Variants in BRINP2 observed in about 807,000 individuals in gnomAD.
BRINP2 encodes the protein BMP/retinoic acid-inducible neural-specific protein 2.
A neutral mutation model predicts 69.2 loss-of-function variants in BRINP2; 21 were observed. That is an observed-to-expected ratio of 0.30 (90% CI 0.22 to 0.44). BRINP2 has a LOEUF of 0.44. Ranked by LOEUF, BRINP2 falls within the 20% of genes least tolerant of loss-of-function variation. The pLI, the probability that BRINP2 is intolerant of heterozygous loss-of-function variation, is 1.00. For missense variants in BRINP2, 877 were observed against 986.0 expected (o/e 0.89, Z 1.48); for synonymous variants, 380 against 394.1 (o/e 0.96, Z 0.42).
intron 1 of BRINP2, among the ~76,000 whole-genome samples, chr1:177,229,329 A>T (rs1649792772): frequency 6.6e-6 from 1 of 152,238 alleles, no homozygotes; most frequent in African/African-American, 2.4e-5. Flanking sequence ...TCCACCAGAA[A>T]AATGGGTTGC....
At chr1:177,277,325 G>T (rs1049378360) in intron 6 of BRINP2, among the ~76,000 whole-genome samples, 2 of 151,770 alleles carry the variant, frequency 1.3e-5, no homozygotes, top group African/African-American at 4.8e-5. Context: ...TGGAAAAGAA[G>T]ACATCAAGAG....
chr1:177,209,686 TC>T (rs1332095276), intron 1 of BRINP2, among the ~76,000 whole-genome samples: 1 of 152,106 alleles, frequency 6.6e-6, no homozygotes, highest in Non-Finnish European at 1.5e-5. Flanking sequence ...GACCAGCTGT[TC>T]AAATTGGTGG....
chr1:177,201,131 T>C (rs2102303499), intron 1 of BRINP2, among the ~76,000 whole-genome samples: 1 of 152,104 alleles, frequency 6.6e-6, no homozygotes, highest in African/African-American at 2.4e-5. Context: ...AAATCACCAA[T>C]GAAGAACTTA....
chr1:177,281,488 C>T lies in BRINP2; in HGVS notation c.2312C>T (p.Pro771Leu), dbSNP rs745488797. Residue 771 changes from proline (P) to leucine (L), a missense_variant, in exon 8 of 8, where the codon CCA (proline) becomes CTA (leucine). Around this residue, in one of 3 missense-constraint regions of BRINP2, gnomAD observed 225 missense variants for 218.7 expected, o/e 1.03. Coordinates refer to ENST00000361539, the MANE Select transcript of BRINP2 (RefSeq NM_021165.4). ...CTGAGGGCTTTCAATTCTAAGCTGC[C>T]AAACCCTGTGGAATATGAGACCGGC... ...SSLRAFNSKL[P>L]NPVEYETGKL... is the part of the protein sequence containing the mutation. The T allele has an allele frequency of 6.2e-7, 1 of 1,611,786 alleles. No individual in the cohort carries two copies. Among genetic ancestry groups the T allele is most frequent in the South Asian group, 1.1e-5 (1 of 90,996 alleles).
chr1:177,226,558 G>A (rs1294639968), intron 1 of BRINP2, among the ~76,000 whole-genome samples: 1 of 151,958 alleles, frequency 6.6e-6, no homozygotes, highest in African/African-American at 2.4e-5. Flanking sequence ...CTATTGCTGT[G>A]CAACAAATTA....
chr1:177,196,766 G>T (rs1195258277), intron 1 of BRINP2, among the ~76,000 whole-genome samples: 1 of 152,164 alleles, frequency 6.6e-6, no homozygotes, highest in Admixed American at 6.5e-5. Flanking sequence ...GAGAATCTTT[G>T]CAGTAGGGAA....
intron 1 of BRINP2, among the ~76,000 whole-genome samples, chr1:177,209,221 AAAAAAG>A (rs922368936): frequency 6.6e-6 from 1 of 152,134 alleles, no homozygotes; most frequent in Non-Finnish European, 1.5e-5. Flanking sequence ...ATTTAAAAAA[AAAAAAG>A]AAAAAGAAAA....
Position 177,275,343 on chromosome 1 carries a change from G to T in BRINP2, c.776-855G>T, listed in dbSNP as rs552608548. ...GAAGTTAATTGGAAGAGAGCTGAGAGCCATTCATATCTATCCAGGCATGAC... is the reference window on the plus strand; with the variant it reads ...GAAGTTAATTGGAAGAGAGCTGAGATCCATTCATATCTATCCAGGCATGAC... On this transcript the variant is annotated intron_variant, in intron 5 of 7. Transcript: ENST00000361539. Among the ~76,000 whole-genome samples, 7 of 152,290 alleles carry T rather than the reference G, an allele frequency of 4.6e-5. No homozygotes were observed. In the East Asian group the frequency reaches 1.4e-3, roughly 29 times the overall value.
At chr1:177,250,610 C>T (rs993453022) in intron 2 of BRINP2, among the ~76,000 whole-genome samples, 9 of 152,248 alleles carry the variant, frequency 5.9e-5, no homozygotes, top group Admixed American at 5.9e-4. Context: ...CAGGCATGAA[C>T]CACGGCGCCC....
At chr1:177,251,623 G>A (rs927342393) in intron 2 of BRINP2, among the ~76,000 whole-genome samples, 1 of 152,128 alleles carries the variant, frequency 6.6e-6, no homozygotes, top group Non-Finnish European at 1.5e-5. Context: ...CAGGACACTA[G>A]CTTTTTGTTC....
At chr1:177,212,353 A>G (rs1486413160) in intron 1 of BRINP2, among the ~76,000 whole-genome samples, 1 of 152,056 alleles carries the variant, frequency 6.6e-6, no homozygotes, top group Non-Finnish European at 1.5e-5. Context: ...AGACCATCCC[A>G]GCTAACACAG....
intron 2 of BRINP2, among the ~76,000 whole-genome samples, chr1:177,251,845 T>C (rs950899732): frequency 6.6e-6 from 1 of 152,172 alleles, no homozygotes; most frequent in Non-Finnish European, 1.5e-5. Context: ...CGTGAGGGGC[T>C]TCGACCATTA....
rs2102281904 is a variant in BRINP2, at chr1:177,171,651, A to C, written c.-158A>C. On this transcript the variant is annotated 5_prime_UTR_variant, in exon 1 of 8. Coordinates refer to ENST00000361539, the MANE Select transcript of BRINP2 (RefSeq NM_021165.4). The stretch of plus-strand genomic sequence containing the variant: ...CTGGAGATGTTGCACAAAAACCTGG[A>C]ATCTTTTAGGAGTCTCCTCCCAGTC... 1 of 152,388 alleles carries C rather than the reference A, an allele frequency of 6.6e-6. No homozygotes were observed. The highest frequency in any genetic ancestry group is 6.5e-5 in the Admixed American group (1 of 15,294). 9.4% of individuals were successfully genotyped at this position (152,388 alleles called of 1,614,324 possible).
chr1:177,256,394 C>T (rs930088218), intron 3 of BRINP2: 24 of 985,418 alleles, frequency 2.4e-5, no homozygotes, highest in Middle Eastern at 1.0e-3. Flanking sequence ...GTTTTCGCTC[C>T]GCTGAGTCAC....
intron 5 of BRINP2, among the ~76,000 whole-genome samples, chr1:177,274,234 G>A (rs1651423050): frequency 6.6e-6 from 1 of 152,166 alleles, no homozygotes; most frequent in Admixed American, 6.5e-5. Context: ...GGAGGCTGAG[G>A]GCTAAGGGGA....
intron 1 of BRINP2, among the ~76,000 whole-genome samples, chr1:177,214,289 C>A (rs368061756): frequency 1.3e-5 from 2 of 152,048 alleles, no homozygotes; most frequent in African/African-American, 2.4e-5. Context: ...AAAAATTAGC[C>A]GGGCCTGGTG....
chr1:177,262,145 C>A (rs553219342), intron 4 of BRINP2, among the ~76,000 whole-genome samples: 1 of 152,070 alleles, frequency 6.6e-6, no homozygotes, highest in Non-Finnish European at 1.5e-5. Flanking sequence ...AACTGGGGAG[C>A]GATGTGGGGT....
Position 177,276,288 on chromosome 1 carries a change from T to G in BRINP2, c.866T>G (p.Val289Gly). The change falls in exon 6 of 8, where the codon GTC becomes GGC. Residue 289 changes from valine (V) to glycine (G), a missense_variant. Transcript: ENST00000361539. ...ACATGCAGCTCTGAGGGTGAGCTCG[T>G]CTGCAAGGAGAATGACTGCTGGTGC... ...YITCSSEGEL[V>G]CKENDCWCKC... The G allele has an allele frequency of 1.9e-6, 3 of 1,614,206 alleles. No individual in the cohort carries two copies. Among genetic ancestry groups the G allele is most frequent in the Non-Finnish European group, 2.5e-6 (3 of 1,180,042 alleles).
At position 177,181,735 on chromosome 1, in the gene BRINP2, G is replaced by C. The variant is rs116150977; in HGVS notation, c.-77+10003G>C. ...GACGGGTGTGCCGGCGGCTGGCGGG[G>C]TCTTGGGAGGCGCCCTGCACACGCC... is the stretch of plus-strand genomic sequence containing the variant. On this transcript the variant is annotated intron_variant, in intron 1 of 7. Transcript: ENST00000361539. Among the ~76,000 whole-genome samples the C allele has an allele frequency of 9.9e-3, 1,501 of 152,306 alleles. 22 individuals carry two copies. The highest frequency in any genetic ancestry group is 0.034 in the African/African-American group (1,414 of 41,578).
Sources: allele counts gnomAD v4.1 joint callset (sites outside exome capture counted in the v4.1 genomes callset), GRCh38; gene constraint gnomAD v4.1.1; regional missense constraint gnomAD v4.1.1; transcripts MANE v1.5; gene names NCBI Gene and HGNC (gene_info 2026-07-23, HGNC 2026-07-21).